The following ITGA6 variants were observed in gnomAD, a reference collection of about 807,000 sequenced individuals.
ITGA6 encodes integrin subunit alpha 6, also known as integrin alpha-6.
ITGA6 carries 63 observed loss-of-function variants against 133.6 expected under a neutral mutation model. That is an observed-to-expected ratio of 0.47 (90% CI 0.38 to 0.58). The LOEUF (loss-of-function observed/expected upper bound fraction) is 0.58, where lower values mean the gene tolerates loss of function less well. ITGA6 is among the 20% of genes least tolerant of loss of function. The pLI is 0.00. For synonymous variants in ITGA6, 434 were observed against 482.0 expected, an observed-to-expected ratio of 0.90 and a Z score of 1.30; for missense variants, 1,068 against 1,309.4, an observed-to-expected ratio of 0.82 and a Z score of 2.85.
chr2:172,499,166 TA>T (rs1687249795), intron 24 of ITGA6, among the ~76,000 whole-genome samples: 1 of 152,316 alleles, frequency 6.6e-6, no homozygotes, highest in African/African-American at 2.4e-5. Context: ...GTTTTTGCTT[TA>T]TTTTTTTTGA....
intron 24 of ITGA6, 111 bp from the exon 25 acceptor site, chr2:172,501,661 C>G: frequency 1.0e-6 from 1 of 1,003,584 alleles, no homozygotes; most frequent in East Asian, 2.5e-5. Context: ...TGAAAGTGGT[C>G]TGTTTGTAAA....
intron 1 of ITGA6, among the ~76,000 whole-genome samples, chr2:172,449,350 G>A (rs982713610): frequency 2.8e-4 from 43 of 152,102 alleles, no homozygotes; most frequent in African/African-American, 9.7e-4. Context: ...CTACTTTTTT[G>A]GCGAAGAAAA....
At chr2:172,466,574 C>T (rs1685682943) in intron 2 of ITGA6, among the ~76,000 whole-genome samples, 1 of 152,086 alleles carries the variant, frequency 6.6e-6, no homozygotes, top group Admixed American at 6.5e-5. Flanking sequence ...GAGCCAAAAT[C>T]GTGCCACTAC....
In ITGA6 at chr2:172,491,665, C is replaced by T. The variant is rs922260215; in HGVS notation, c.2988+142C>T. ...AGAAAACTGTCTTAAGGTACTGGCA[C>T]TGCAAGCTGTATTTTAATAGAATCA... On this transcript the variant is annotated intron_variant, in intron 23 of 25. Transcript: ENST00000684293. This position sits in a 1 kb window ranked among gnomAD's most constrained non-coding sequence, Gnocchi z 4.4. 1 of 697,380 alleles carries T rather than the reference C, an allele frequency of 1.4e-6. No homozygotes were observed. The highest frequency in any genetic ancestry group is 2.6e-6 in the Non-Finnish European group (1 of 383,546). The allele number at this position is 697,380 out of a possible 1,614,324, so 43.2% of individuals were successfully genotyped here. A position where few individuals can be genotyped will look rare whatever the true frequency, so the allele number is the denominator to read the frequency against.
At chr2:172,446,702 G>T (rs1326221944) in intron 1 of ITGA6, among the ~76,000 whole-genome samples, 1 of 152,178 alleles carries the variant, frequency 6.6e-6, no homozygotes, top group African/African-American at 2.4e-5. Context: ...CACAGGAAAT[G>T]ATTAAATGCC....
At chr2:172,432,465 G>A (rs1324743157) in intron 1 of ITGA6, among the ~76,000 whole-genome samples, 2 of 152,234 alleles carry the variant, frequency 1.3e-5, no homozygotes, top group East Asian at 3.8e-4. Context: ...AATAGAGACT[G>A]ATATTATACA....
chr2:172,504,073 TCTTTCC>T lies in ITGA6; in HGVS notation c.*23-15_*23-10del. ...TGTGAGATTAATTTGTTTCTCTTTC[TCTTTCC>T]CTCTTCTCTAGTGTGGATTCTTTAA... On this transcript the variant is annotated splice_polypyrimidine_tract_variant and intron_variant, in intron 25 of 25. Coordinates refer to ENST00000684293, the MANE Select transcript of ITGA6 (RefSeq NM_000210.4). 6.5e-7 allele frequency: 1 copy of T among 1,548,912 alleles called. No individual in the cohort carries two copies. The highest frequency in any genetic ancestry group is 8.7e-7 in the Non-Finnish European group (1 of 1,148,542).
intron 2 of ITGA6, 99 bp from the exon 3 acceptor site, chr2:172,467,380 CAG>C (rs2149038777): frequency 4.8e-6 from 4 of 829,508 alleles, no homozygotes; most frequent in Non-Finnish European, 6.2e-6. Context: ...TAGCTAGACT[CAG>C]AGTCGAGGCC....
Position 172,491,344 on chromosome 2 carries a change from C to T in ITGA6, c.2889+13C>T. ...CACATTTCTAGAGGTATGACCTTGG[C>T]TTGAGGCTGTCCCATGGAAGTAATT... On this transcript the variant is annotated intron_variant, in intron 22 of 25. Coordinates refer to ENST00000684293, the MANE Select transcript of ITGA6 (RefSeq NM_000210.4). This position sits in a 1 kb window ranked among gnomAD's most constrained non-coding sequence, Gnocchi z 4.4. 1 of 1,584,906 alleles carries T rather than the reference C, an allele frequency of 6.3e-7. No individual in the cohort carries two copies. The highest frequency in any genetic ancestry group is 8.7e-7 in the Non-Finnish European group (1 of 1,153,368).
intron 1 of ITGA6, chr2:172,465,290 C>A: frequency 1.8e-6 from 1 of 566,640 alleles, no homozygotes; most frequent in Non-Finnish European, 3.2e-6. Flanking sequence ...AATGCTGATA[C>A]TATGAGAGAC....
intron 1 of ITGA6, among the ~76,000 whole-genome samples, chr2:172,456,358 T>G (rs1685208467): frequency 6.6e-6 from 1 of 152,228 alleles, no homozygotes; most frequent in Non-Finnish European, 1.5e-5. Flanking sequence ...CAGATGCAGC[T>G]GCACTGTTGA....
intron 18 of ITGA6, 35 bp from the exon 19 acceptor site, chr2:172,488,091 A>G (rs1429154360): frequency 1.9e-6 from 3 of 1,609,416 alleles, no homozygotes; most frequent in African/African-American, 2.7e-5. Flanking sequence ...ACCATTTACA[A>G]TCCTCATTAA....
chr2:172,431,376 G>A (rs1043328936), intron 1 of ITGA6, among the ~76,000 whole-genome samples: 1 of 152,202 alleles, frequency 6.6e-6, no homozygotes, highest in Non-Finnish European at 1.5e-5. Context: ...AAATCGGCAA[G>A]CATCTGAATT....
chr2:172,427,510 G>T, upstream of ITGA6: 1 of 1,118,742 alleles, frequency 8.9e-7, no homozygotes, highest in Non-Finnish European at 1.1e-6. Flanking sequence ...GGCGCGCAAG[G>T]AGGGGCGAGA....
rs1251404489 is a variant in ITGA6, at chr2:172,489,629, C to G, written c.2650C>G (p.Gln884Glu). 6.2e-7 allele frequency: 1 copy of G among 1,613,982 alleles called. No individual in the cohort carries two copies. ...ATTGGAAAAGGTAACTTGTGAGCCA[C>G]AAAAGGAGATAAACTCCCTGAACCT... ...KGLEKVTCEPQKEINSLNLTE... is the reference protein window; with the variant it reads ...KGLEKVTCEPEKEINSLNLTE... The change falls in exon 20 of 26, where the codon CAA becomes GAA. Residue 884 changes from glutamine (Q) to glutamate (E), a missense_variant. By Grantham distance (29) the Gln-to-Glu change is conservative. This residue lies in a region of ITGA6 where 609 missense variants were observed against 707.2 expected (regional missense o/e 0.86). Coordinates refer to ENST00000684293, the MANE Select transcript of ITGA6 (RefSeq NM_000210.4).
At chr2:172,465,184 C>CTTGAGTTTCAT in intron 1 of ITGA6, 1 of 318,274 alleles carries the variant, frequency 3.1e-6, no homozygotes, top group Non-Finnish European at 6.0e-6. Flanking sequence ...GGTTTCTTCT[C>CTTGAGTTTCAT]TTGAGTTTCA....
chr2:172,467,913 G>T (rs1448623222), intron 3 of ITGA6, among the ~76,000 whole-genome samples: 1 of 151,916 alleles, frequency 6.6e-6, no homozygotes, highest in Non-Finnish European at 1.5e-5. Flanking sequence ...CTTGAACCTG[G>T]GAGGTGGAGG....
intron 9 of ITGA6, among the ~76,000 whole-genome samples, chr2:172,477,006 A>G (rs1211969530): frequency 2.0e-5 from 3 of 152,208 alleles, no homozygotes; most frequent in Non-Finnish European, 4.4e-5. Context: ...ACTTTTCCAA[A>G]ATGAAGTTAA....
At chr2:172,466,702 A>G (rs1236822383) in intron 2 of ITGA6, among the ~76,000 whole-genome samples, 1 of 152,226 alleles carries the variant, frequency 6.6e-6, no homozygotes, top group East Asian at 1.9e-4. Context: ...CAGACCTATG[A>G]AGAATAAAAA....
Sources: gnomAD v4.1 joint callset for allele counts (sites outside exome capture counted in the v4.1 genomes callset) on GRCh38, gnomAD v4.1.1 for gene constraint, gnomAD v4.1.1 regional missense constraint, Gnocchi (gnomAD v3.1) non-coding constraint, MANE v1.5 for transcripts, NCBI Gene and HGNC (gene_info 2026-07-23, HGNC 2026-07-21) for gene names.